Variants in CALN1 observed in about 807,000 individuals in gnomAD.
CALN1 encodes calneuron 1.
CALN1 carries 17 observed loss-of-function variants against 30.6 expected under a neutral mutation model. That is an observed-to-expected ratio of 0.56 (90% confidence interval 0.38 to 0.83). The LOEUF (loss-of-function observed/expected upper bound fraction) is 0.83, where lower values mean the gene tolerates loss of function less well. Ranked by LOEUF, CALN1 falls within the 40% of genes least tolerant of loss-of-function variation. The pLI, the probability that CALN1 is intolerant of heterozygous loss-of-function variation, is 0.00. For synonymous variants in CALN1, 156 were observed against 131.4 expected (o/e 1.19, Z -1.28); for missense variants, 291 against 354.9 (o/e 0.82, Z 1.45).
intron 5 of CALN1, among the ~76,000 whole-genome samples, chr7:72,016,122 G>A (rs1009239189): frequency 2.6e-5 from 4 of 151,684 alleles, no homozygotes; most frequent in African/African-American, 4.8e-5. Context: ...GGTGGTGGGC[G>A]TCTGTAATCC....
chr7:71,876,068 TTA>T (rs1268481510), intron 5 of CALN1, among the ~76,000 whole-genome samples: 3 of 152,132 alleles, frequency 2.0e-5, no homozygotes, highest in African/African-American at 4.8e-5. Flanking sequence ...TCATGGTAGG[TTA>T]TGTTTTGACA....
intron 3 of CALN1, among the ~76,000 whole-genome samples, chr7:72,208,979 T>TA (rs1317939829): frequency 2.0e-5 from 3 of 149,488 alleles, no homozygotes; most frequent in Non-Finnish European, 1.5e-5. Context: ...TTCCTTCCTT[T>TA]TCCTACTTCC....
chr7:72,335,460 A>G (rs905840215), intron 2 of CALN1, among the ~76,000 whole-genome samples: 3 of 152,230 alleles, frequency 2.0e-5, no homozygotes, highest in African/African-American at 7.2e-5. Flanking sequence ...TGAGAAGGTC[A>G]TCCCAACTCT....
the CALN1 span, among the ~76,000 whole-genome samples, chr7:72,468,755 C>T: frequency 8.5e-5 from 13 of 152,162 alleles, no homozygotes; most frequent in Non-Finnish European, 1.3e-4. Context: ...GCCATCATAG[C>T]GGCTATGAAG....
At chr7:72,012,181 T>C (rs181978228) in intron 5 of CALN1, among the ~76,000 whole-genome samples, 1 of 152,308 alleles carries the variant, frequency 6.6e-6, no homozygotes, top group East Asian at 1.9e-4. Flanking sequence ...AGCTACAGGC[T>C]GAAGTACCAG....
chr7:72,217,171 C>T (rs1214716867), intron 3 of CALN1, among the ~76,000 whole-genome samples: 3 of 152,280 alleles, frequency 2.0e-5, no homozygotes, highest in Admixed American at 1.3e-4. Flanking sequence ...CATTGTCCCA[C>T]ACCCAAACTC....
At chr7:72,457,782 G>A in the CALN1 span, among the ~76,000 whole-genome samples, 46 of 149,346 alleles carry the variant, frequency 3.1e-4, no homozygotes, top group Non-Finnish European at 4.9e-4. Flanking sequence ...TTGAGACAGG[G>A]TCTCACTCTG....
At chr7:72,435,596 A>G (rs980302081) in intron 1 of CALN1, among the ~76,000 whole-genome samples, 5 of 152,136 alleles carry the variant, frequency 3.3e-5, no homozygotes, top group African/African-American at 9.7e-5. Context: ...CAGCGCGGAG[A>G]GGCCAGCAGC....
At chr7:72,226,598 T>A (rs999811735) in intron 3 of CALN1, among the ~76,000 whole-genome samples, 8 of 152,158 alleles carry the variant, frequency 5.3e-5, no homozygotes, top group African/African-American at 1.9e-4. Flanking sequence ...ATGGACAGGA[T>A]AAAAGTTATG....
At chr7:72,502,161 C>T in the CALN1 span, among the ~76,000 whole-genome samples, 123 of 148,616 alleles carry the variant, frequency 8.3e-4, 1 homozygote, top group Non-Finnish European at 1.3e-3. Flanking sequence ...TTCCTGCTGC[C>T]GTATTAGAAG....
chr7:72,218,518 G>T (rs1472405522), intron 3 of CALN1, among the ~76,000 whole-genome samples: 2 of 152,130 alleles, frequency 1.3e-5, no homozygotes, highest in East Asian at 3.9e-4. Flanking sequence ...CAGCTCAGTA[G>T]CCTGTTATTG....
In CALN1 at chr7:71,792,138, A is replaced by G. The variant is rs748760066; in HGVS notation, c.659-4236T>C. ...CTGGCACTAATTCATGCGTTTCCTG[A>G]TAATTATTGAAGATTATCATGCATT... On this transcript the variant is annotated intron_variant, in intron 6 of 6. Coordinates refer to ENST00000395275, the MANE Select transcript of CALN1 (RefSeq NM_031468.4). Among the ~76,000 whole-genome samples, 20 of 152,198 alleles carry G rather than the reference A, an allele frequency of 1.3e-4. 1 individual carries two copies. The highest frequency in any genetic ancestry group is 2.1e-4 in the Non-Finnish European group (14 of 68,022).
At chr7:72,040,387 A>G (rs1011951423) in intron 4 of CALN1, among the ~76,000 whole-genome samples, 14 of 152,030 alleles carry the variant, frequency 9.2e-5, no homozygotes, top group African/African-American at 2.7e-4. Flanking sequence ...CAGAAGGCTG[A>G]GACAGGAAGA....
chr7:71,972,735 G>T (rs1004279206), intron 5 of CALN1, among the ~76,000 whole-genome samples: 8 of 152,106 alleles, frequency 5.3e-5, no homozygotes, highest in African/African-American at 1.9e-4. Context: ...TCATTCACAC[G>T]TGTGCTTGGC....
At chr7:72,302,915 A>AAAC (rs1304223585) in intron 2 of CALN1, among the ~76,000 whole-genome samples, 2 of 145,512 alleles carry the variant, frequency 1.4e-5, no homozygotes, top group African/African-American at 2.6e-5. Flanking sequence ...AAAAAAAAAA[A>AAAC]AACGAAAAGA....
At chr7:72,386,954 G>A (rs911144318) in intron 2 of CALN1, among the ~76,000 whole-genome samples, 23 of 151,172 alleles carry the variant, frequency 1.5e-4, no homozygotes, top group Admixed American at 6.6e-5. Context: ...TCATTATTCC[G>A]TCAGCTGAGG....
intron 5 of CALN1, among the ~76,000 whole-genome samples, chr7:71,988,395 C>A (rs566895644): frequency 4.6e-5 from 7 of 152,216 alleles, no homozygotes; most frequent in African/African-American, 1.4e-4. Flanking sequence ...CGCATCCTGC[C>A]AGGCACAGAA....
At position 72,216,689 on chromosome 7, in the gene CALN1, A is replaced by G. The variant is rs146421498; in HGVS notation, c.244+61997T>C. 8.8e-3 allele frequency among the ~76,000 whole-genome samples: 1,333 copies of G among 152,250 alleles called. 8 individuals carry two copies. Among genetic ancestry groups the G allele is most frequent in the Middle Eastern group, 0.017 (5 of 294 alleles). ...AGATACACCTCTGATCCCAAAATAA[A>G]GCAGGGGACAGTGAAGCTGAGTGGT... On this transcript the variant is annotated intron_variant, in intron 3 of 6. Transcript: ENST00000395275.
intron 3 of CALN1, among the ~76,000 whole-genome samples, chr7:72,185,614 C>T (rs894773104): frequency 6.6e-6 from 1 of 152,202 alleles, no homozygotes; most frequent in Non-Finnish European, 1.5e-5. Context: ...TATAGTTTAG[C>T]TCTGTGTCCC....
Sources: allele counts gnomAD v4.1 joint callset (sites outside exome capture counted in the v4.1 genomes callset), GRCh38; gene constraint gnomAD v4.1.1; transcripts MANE v1.5; gene names NCBI Gene and HGNC (gene_info 2026-07-23, HGNC 2026-07-21).